The following NEURL3 variants were observed in gnomAD, a reference collection of about 807,000 sequenced individuals.
NEURL3 encodes neuralized E3 ubiquitin protein ligase 3.
NEURL3 carries 19 observed loss-of-function variants against 17.6 expected under a neutral mutation model. The ratio of observed to expected loss-of-function variants is 1.08; its 90% CI spans 0.75 to 1.58. NEURL3 has a LOEUF of 1.58. NEURL3 is among the 40% of genes most tolerant of loss of function. NEURL3 has a pLI of 0.00. For missense variants in NEURL3, 342 were observed against 379.6 expected (o/e 0.90, Z 0.82); for synonymous variants, 180 against 161.4 (o/e 1.11, Z -0.87).
chr2:96,503,698 C>T (rs544277860), intron 1 of NEURL3, among the ~76,000 whole-genome samples: 13 of 152,274 alleles, frequency 8.5e-5, no homozygotes, highest in Admixed American at 5.9e-4. Flanking sequence ...GTCGGGGTGG[C>T]CTGACGGGTG....
At chr2:96,499,713 C>T (rs145836227) in intron 2 of NEURL3, among the ~76,000 whole-genome samples, 2 of 152,224 alleles carry the variant, frequency 1.3e-5, no homozygotes, top group Non-Finnish European at 2.9e-5. Context: ...CCAGCCGCTG[C>T]CTGAGTGGAG....
chr2:96,507,205 C>T (rs1230645718), upstream of NEURL3, among the ~76,000 whole-genome samples: 1 of 152,198 alleles, frequency 6.6e-6, no homozygotes, highest in Non-Finnish European at 1.5e-5. Flanking sequence ...TTTATTACCC[C>T]TTCCCCCTTT....
At chr2:96,506,731 C>T (rs1423547184), upstream of NEURL3, among the ~76,000 whole-genome samples, 2 of 152,258 alleles carry the variant, frequency 1.3e-5, no homozygotes, top group African/African-American at 4.8e-5. Flanking sequence ...ATAAATCACA[C>T]TCTCATGAGA....
At chr2:96,503,296 CG>C (rs2065528069) in intron 1 of NEURL3, among the ~76,000 whole-genome samples, 1 of 152,152 alleles carries the variant, frequency 6.6e-6, no homozygotes, top group African/African-American at 2.4e-5. Flanking sequence ...CAAAGCTCCC[CG>C]ATCCCTGCTT....
chr2:96,504,022 T>C (rs1197222057), intron 1 of NEURL3, among the ~76,000 whole-genome samples: 1 of 152,206 alleles, frequency 6.6e-6, no homozygotes, highest in East Asian at 1.9e-4. Context: ...TTACTCCACC[T>C]GCCCCGGGGT....
At chr2:96,506,767 A>G (rs577838110), upstream of NEURL3, among the ~76,000 whole-genome samples, 3 of 152,374 alleles carry the variant, frequency 2.0e-5, no homozygotes, top group South Asian at 2.1e-4. Flanking sequence ...TTATTAGGGA[A>G]GTCAACTCTG....
In NEURL3 at chr2:96,498,031, G is replaced by C; in HGVS notation, c.*213C>G. The stretch of plus-strand genomic sequence containing the variant: ...CCATCAGAAGGATAGTTCTGGCATG[G>C]ACAGAAAGAGGGGTTTTTCCTTGCT... On this transcript the variant is annotated 3_prime_UTR_variant, in exon 4 of 4. Transcript: ENST00000451794. This position sits in a 1 kb window ranked among gnomAD's most constrained non-coding sequence, Gnocchi z 4.4. The C allele has an allele frequency of 1.7e-6, 1 of 579,238 alleles. No homozygotes were observed. The highest frequency in any genetic ancestry group is 2.9e-5 in the East Asian group (1 of 34,286). 35.9% of individuals were successfully genotyped at this position (579,238 alleles called of 1,614,324 possible). A position where few individuals can be genotyped will look rare whatever the true frequency, so the allele number is the denominator to read the frequency against.
At chr2:96,499,241 C>A in intron 3 of NEURL3, 137 bp downstream of exon 3, 1 of 1,435,010 alleles carries the variant, frequency 7.0e-7, no homozygotes. Flanking sequence ...TTTTAGGTTT[C>A]CAGTAGGCAG....
chr2:96,505,232 C>T (rs370089071), intron 1 of NEURL3, 27 bp downstream of exon 1: 72 of 1,599,084 alleles, frequency 4.5e-5, no homozygotes, highest in Middle Eastern at 3.3e-4. Context: ...AGAGACCAAG[C>T]TCCAGGCTTG....
Position 96,497,985 on chromosome 2 carries a change from C to T in NEURL3, c.*259G>A. 1 of 482,104 alleles carries T rather than the reference C, an allele frequency of 2.1e-6. No individual in the cohort carries two copies. The highest frequency in any genetic ancestry group is 2.9e-5 in the South Asian group (1 of 33,996). The allele number at this position is 482,104 out of a possible 1,614,324, so 29.9% of individuals were successfully genotyped here. A position where few individuals can be genotyped will look rare whatever the true frequency, so the allele number is the denominator to read the frequency against. On this transcript the variant is annotated 3_prime_UTR_variant, in exon 4 of 4. Coordinates refer to ENST00000451794, the MANE Select transcript of NEURL3 (RefSeq NM_001285485.2). The stretch of plus-strand genomic sequence containing the variant: ...TAAAACTGATTGGGGATTGGGCCAC[C>T]CCATCTCTAAACAAAGCACCCCATC...
At chr2:96,503,854 A>G (rs2065534507) in intron 1 of NEURL3, among the ~76,000 whole-genome samples, 1 of 152,178 alleles carries the variant, frequency 6.6e-6, no homozygotes, top group Admixed American at 6.5e-5. Context: ...CTCCAAGCAG[A>G]CCTGTCCCCA....
intron 1 of NEURL3, among the ~76,000 whole-genome samples, chr2:96,503,403 G>A (rs1030446385): frequency 7.9e-5 from 12 of 152,248 alleles, no homozygotes; most frequent in Admixed American, 2.6e-4. Flanking sequence ...AGGTCATTCC[G>A]CAGCCGGGGC....
At chr2:96,507,577 G>A (rs2065570902), upstream of NEURL3, among the ~76,000 whole-genome samples, 1 of 152,172 alleles carries the variant, frequency 6.6e-6, no homozygotes, top group South Asian at 2.1e-4. Flanking sequence ...CAACTCTCCT[G>A]CCTCAGCCTC....
At chr2:96,499,227 T>C in intron 3 of NEURL3, 151 bp downstream of exon 3, 2 of 1,405,088 alleles carry the variant, frequency 1.4e-6, no homozygotes, top group Non-Finnish European at 1.9e-6. Context: ...AGATGCCAGG[T>C]TGCTTTTAGG....
chr2:96,507,918 A>C (rs1375602793), upstream of NEURL3: 1 of 152,294 alleles, frequency 6.6e-6, no homozygotes, highest in Non-Finnish European at 1.5e-5. Context: ...GCATGACGTG[A>C]CAGGCTGGGA....
At chr2:96,499,761 T>C (rs900102520) in intron 2 of NEURL3, among the ~76,000 whole-genome samples, 2 of 152,106 alleles carry the variant, frequency 1.3e-5, no homozygotes, top group African/African-American at 4.8e-5. Context: ...CAGATGGGCA[T>C]CAACATCTCC....
At chr2:96,504,877 CAA>C (rs1157285400) in intron 1 of NEURL3, among the ~76,000 whole-genome samples, 1,119 of 55,200 alleles carry the variant, frequency 0.02, 9 homozygotes, top group African/African-American at 0.064. Context: ...GACTCCGTCT[CAA>C]AAAAAAAAAA....
chr2:96,507,402 A>G (rs1345219416), upstream of NEURL3, among the ~76,000 whole-genome samples: 1 of 152,188 alleles, frequency 6.6e-6, no homozygotes, highest in African/African-American at 2.4e-5. Context: ...GAACCGAGCA[A>G]TGGGTGGGGA....
rs1485271663 is a variant in NEURL3 at position 96,498,163 on chromosome 2, T to C, written c.*81A>G. ...TTCTGACTCTTCCCCAGAAAGAAGG[T>C]AGGGCTGCGCCTCCTTCCTCTCTGC... On this transcript the variant is annotated 3_prime_UTR_variant, in exon 4 of 4. Transcript: ENST00000451794. The surrounding 1 kb of genome is among the most constrained non-coding windows in gnomAD (Gnocchi z 4.4). The C allele has an allele frequency of 7.3e-5, 98 of 1,342,802 alleles. No individual in the cohort carries two copies. Among genetic ancestry groups the C allele is most frequent in the Non-Finnish European group, 9.5e-5 (96 of 1,011,398 alleles). 83.2% of individuals were successfully genotyped at this position (1,342,802 alleles called of 1,614,324 possible). A position where few individuals can be genotyped will look rare whatever the true frequency, so the allele number is the denominator to read the frequency against.
Sources: allele counts gnomAD v4.1 joint callset (sites outside exome capture counted in the v4.1 genomes callset), GRCh38; gene constraint gnomAD v4.1.1; non-coding constraint Gnocchi (gnomAD v3.1); transcripts MANE v1.5; gene names NCBI Gene and HGNC (gene_info 2026-07-23, HGNC 2026-07-21).